Variants in PEPD observed in about 807,000 individuals in gnomAD.
The protein encoded by PEPD is peptidase D, also known as xaa-Pro dipeptidase.
Under a neutral mutation model 60.7 loss-of-function variants are expected in PEPD, and 53 were observed. That is an observed-to-expected ratio of 0.87 (90% CI 0.70 to 1.10). The LOEUF is 1.10. PEPD is among the 50% of genes least tolerant of loss of function. PEPD has a pLI of 0.00. For missense variants in PEPD, 711 were observed against 711.9 expected, an observed-to-expected ratio of 1.00 and a Z score of 0.01; for synonymous variants, 267 against 284.1, an observed-to-expected ratio of 0.94 and a Z score of 0.60.
chr19:33,427,408 C>T (rs73927879), intron 9 of PEPD, among the ~76,000 whole-genome samples: 19,765 of 152,192 alleles, frequency 0.13, 1,505 homozygotes, highest in East Asian at 0.29. Flanking sequence ...AGCCCCCCAT[C>T]GGTCCCCACC....
intron 1 of PEPD, among the ~76,000 whole-genome samples, chr19:33,514,784 C>T (rs1484129330): frequency 6.6e-6 from 1 of 151,852 alleles, no homozygotes; most frequent in Non-Finnish European, 1.5e-5. Flanking sequence ...GCGCCCTGCC[C>T]CACAGCACAG....
intron 3 of PEPD, among the ~76,000 whole-genome samples, chr19:33,505,156 A>G (rs562633740): frequency 5.8e-4 from 89 of 152,306 alleles, no homozygotes; most frequent in Middle Eastern, 6.8e-3. Context: ...CGATTAATGA[A>G]TAAGTAACAG....
Position 33,387,896 on chromosome 19 carries a change from A to G in PEPD, c.1338T>C (p.Phe446=). The change falls in exon 14 of 15, where the codon TTT becomes TTC. Residue 446 remains phenylalanine (F), a synonymous_variant. Coordinates refer to ENST00000244137, the MANE Select transcript of PEPD (RefSeq NM_000285.4). ...NREVLQRFRG[F]GGVRIEEDVV... ...GGGGCCCGTGGGCACTCACCCCGCC[A>G]AAACCGCGAAAGCGCTGCAGGACCT... 6.4e-7 allele frequency: 1 copy of G among 1,567,896 alleles called. No homozygotes were observed. The highest frequency in any genetic ancestry group is 8.6e-7 in the Non-Finnish European group (1 of 1,156,910).
chr19:33,412,002 C>T (rs1426064181), intron 10 of PEPD, among the ~76,000 whole-genome samples: 7 of 152,226 alleles, frequency 4.6e-5, no homozygotes, highest in Non-Finnish European at 8.8e-5. Context: ...CGTCGTTAGG[C>T]GGCTGCCCTC....
At chr19:33,470,125 G>A (rs908152399) in intron 7 of PEPD, among the ~76,000 whole-genome samples, 3 of 151,580 alleles carry the variant, frequency 2.0e-5, no homozygotes, top group Non-Finnish European at 2.9e-5. Flanking sequence ...TCCAATTCAC[G>A]GCCAAGGGCT....
chr19:33,477,964 G>A (rs2145297461), intron 7 of PEPD, 82 bp downstream of exon 7: 7 of 905,558 alleles, frequency 7.7e-6, no homozygotes, highest in East Asian at 2.5e-5. Flanking sequence ...TCTCTGAGAC[G>A]GTGTGGGCAG....
chr19:33,481,895 C>T (rs574045038), intron 6 of PEPD, among the ~76,000 whole-genome samples: 58 of 152,096 alleles, frequency 3.8e-4, no homozygotes, highest in Admixed American at 6.5e-5. Context: ...ATGGTGCACA[C>T]GTGTAATCCC....
intron 12 of PEPD, among the ~76,000 whole-genome samples, chr19:33,394,054 G>A (rs917340988): frequency 6.6e-6 from 1 of 152,250 alleles, no homozygotes; most frequent in African/African-American, 2.4e-5. Context: ...TGCTTCTCAT[G>A]TCTCACTCCG....
chr19:33,391,329 C>T lies in PEPD; in HGVS notation c.1118G>A (p.Gly373Asp). The change falls in exon 13 of 15, where the codon GGC becomes GAC. Residue 373 changes from glycine (G) to aspartate (D), a missense_variant. Physicochemically the swap from Gly to Asp is moderately conservative, Grantham distance 94. Coordinates refer to ENST00000244137, the MANE Select transcript of PEPD (RefSeq NM_000285.4). ...GCCTCCCACGTCGTGCACGTCAATGCCCAGGAAGTGGCCAAGCCCGTGAGG... is the reference window on the plus strand; with the variant it reads ...GCCTCCCACGTCGTGCACGTCAATGTCCAGGAAGTGGCCAAGCCCGTGAGG... Reference protein sequence around the residue: ...FMPHGLGHFLGIDVHDVGGYP... With the variant: ...FMPHGLGHFLDIDVHDVGGYP... 6.2e-7 allele frequency: 1 copy of T among 1,612,074 alleles called. No individual in the cohort carries two copies. Among genetic ancestry groups the T allele is most frequent in the Non-Finnish European group, 8.5e-7 (1 of 1,179,598 alleles).
At chr19:33,452,213 C>T (rs1969712532) in intron 9 of PEPD, among the ~76,000 whole-genome samples, 1 of 152,168 alleles carries the variant, frequency 6.6e-6, no homozygotes, top group African/African-American at 2.4e-5. Flanking sequence ...AAGAAAAATT[C>T]AACCACATCT....
chr19:33,392,299 G>A (rs1323271584), intron 12 of PEPD, among the ~76,000 whole-genome samples: 1 of 152,226 alleles, frequency 6.6e-6, no homozygotes, highest in Non-Finnish European at 1.5e-5. Flanking sequence ...CCGCTAGGAA[G>A]GAGGCCCTTA....
At chr19:33,513,520 C>T (rs897811442) in intron 1 of PEPD, among the ~76,000 whole-genome samples, 3 of 152,212 alleles carry the variant, frequency 2.0e-5, no homozygotes, top group Admixed American at 6.5e-5. Flanking sequence ...ATTGCACATC[C>T]CCATCCCCAG....
Position 33,438,003 on chromosome 19 carries a change from T to C in PEPD, c.672-24360A>G, listed in dbSNP as rs147887360. ...AGAAAAAACAATGCAGGAAGGACAA[T>C]GTGGTGAAATGTCTAACCGTGAAAC... On this transcript the variant is annotated intron_variant, in intron 9 of 14. Transcript: ENST00000244137. 3.7e-3 allele frequency among the ~76,000 whole-genome samples: 557 copies of C among 152,176 alleles called. 2 individuals carry two copies. The highest frequency in any genetic ancestry group is 5.8e-3 in the Non-Finnish European group (394 of 68,002).
intron 9 of PEPD, among the ~76,000 whole-genome samples, chr19:33,423,128 T>C (rs62102723): frequency 5.7e-5 from 5 of 87,286 alleles, no homozygotes; most frequent in South Asian, 6.1e-4. Context: ...TCCATCCATC[T>C]ATCCAACCAT....
At chr19:33,457,605 G>T (rs1324729070) in intron 9 of PEPD, among the ~76,000 whole-genome samples, 1 of 152,214 alleles carries the variant, frequency 6.6e-6, no homozygotes, top group Non-Finnish European at 1.5e-5. Flanking sequence ...CCACCTCCCA[G>T]GTTCAAGTGA....
intron 12 of PEPD, among the ~76,000 whole-genome samples, chr19:33,393,386 ACACCCCTGGCTGGCCCAGCCCG>A (rs1203986539): frequency 6.6e-6 from 1 of 151,988 alleles, no homozygotes; most frequent in Non-Finnish European, 1.5e-5. Context: ...CTGGGCACAC[ACACCCCTGGCTGGCCCAGCCCG>A]CACCCCTGGC....
At chr19:33,422,818 A>ATATCTATCTATC (rs201899160) in intron 9 of PEPD, among the ~76,000 whole-genome samples, 2,529 of 131,184 alleles carry the variant, frequency 0.019, 69 homozygotes, top group African/African-American at 0.057. Flanking sequence ...CCATCCTTCT[A>ATATCTATCTATC]TATCTATCTA....
chr19:33,387,658 G>A (rs1471015793), intron 14 of PEPD, 177 bp from the exon 15 acceptor site: 1 of 864,536 alleles, frequency 1.2e-6, no homozygotes, highest in African/African-American at 1.7e-5. Context: ...TGCTCACCCT[G>A]TCTTTGCCAG....
chr19:33,504,012 A>T (rs1001862756), intron 3 of PEPD, among the ~76,000 whole-genome samples: 18 of 152,144 alleles, frequency 1.2e-4, no homozygotes, highest in African/African-American at 2.9e-4. Context: ...CCCAAGCCAG[A>T]GGTCTGGTTC....
Sources: allele counts gnomAD v4.1 joint callset (sites outside exome capture counted in the v4.1 genomes callset), GRCh38; gene constraint gnomAD v4.1.1; transcripts MANE v1.5; gene names NCBI Gene and HGNC (gene_info 2026-07-23, HGNC 2026-07-21).